The following TBC1D8 variants were observed in gnomAD, a reference collection of about 807,000 sequenced individuals.
TBC1D8 encodes the protein TBC1 domain family member 8.
TBC1D8 carries 65 observed loss-of-function variants against 118.8 expected under a neutral mutation model. The observed-to-expected ratio is 0.55, with a 90% CI of 0.45 to 0.67. The LOEUF (loss-of-function observed/expected upper bound fraction) is 0.67, where lower values mean the gene tolerates loss of function less well. TBC1D8 is among the 30% of genes least tolerant of loss of function. The pLI, the probability that TBC1D8 is intolerant of heterozygous loss-of-function variation, is 0.00. For synonymous variants in TBC1D8, 566 were observed against 595.8 expected (o/e 0.95, Z 0.73); for missense variants, 1,376 against 1,471.2 (o/e 0.94, Z 1.06).
At chr2:101,084,577 A>G (rs1675478326) in intron 2 of TBC1D8, among the ~76,000 whole-genome samples, 1 of 152,044 alleles carries the variant, frequency 6.6e-6, no homozygotes, top group Admixed American at 6.5e-5. Context: ...CATCCCTTCC[A>G]TGCAGCCGTT....
intron 2 of TBC1D8, among the ~76,000 whole-genome samples, chr2:101,073,541 G>A (rs1043032732): frequency 7.9e-5 from 12 of 152,004 alleles, no homozygotes; most frequent in African/African-American, 1.5e-4. Context: ...TGATCCGCCC[G>A]CCTCGGCCTC....
chr2:101,117,095 T>C (rs1394867378), intron 1 of TBC1D8, among the ~76,000 whole-genome samples: 3 of 152,022 alleles, frequency 2.0e-5, no homozygotes, highest in Non-Finnish European at 4.4e-5. Context: ...GATTGAGCCA[T>C]GCAGCTGTGA....
chr2:101,088,543 C>G (rs1276937149), intron 2 of TBC1D8, among the ~76,000 whole-genome samples: 1 of 152,146 alleles, frequency 6.6e-6, no homozygotes, highest in Non-Finnish European at 1.5e-5. Flanking sequence ...GCCTGGGCCT[C>G]TCAAAGTGTT....
Position 101,029,718 on chromosome 2 carries a change from C to T in TBC1D8, c.1995G>A (p.Leu665=), listed in dbSNP as rs759126126. 3.7e-6 allele frequency: 6 copies of T among 1,613,982 alleles called. No homozygotes were observed. The East Asian group carries it at 1.3e-4, about 36-fold the overall frequency. The change falls in exon 12 of 20, where the codon CTG becomes CTA. Residue 665 remains leucine (L), a synonymous_variant. Transcript: ENST00000409318. ...EELIKGHLPE[L]AEHMNDLSAL... ...CTGAGAGGTCGTTCATGTGCTCTGC[C>T]AGCTCTGGGAGATGACCCTTGATGA... is the stretch of plus-strand genomic sequence containing the variant.
chr2:101,011,644 A>T (rs1263833100), intron 17 of TBC1D8, 104 bp from the exon 18 acceptor site: 9 of 1,211,892 alleles, frequency 7.4e-6, no homozygotes, highest in Admixed American at 1.9e-5. Flanking sequence ...AGCAGCTCCC[A>T]GCCTGTGGAC....
intron 1 of TBC1D8, among the ~76,000 whole-genome samples, chr2:101,104,622 G>A (rs906706705): frequency 1.3e-5 from 2 of 152,170 alleles, no homozygotes; most frequent in African/African-American, 4.8e-5. Context: ...CTAGACATCC[G>A]TATGCAAAGA....
At chr2:101,027,043 G>A (rs1680378129) in intron 15 of TBC1D8, among the ~76,000 whole-genome samples, 1 of 152,180 alleles carries the variant, frequency 6.6e-6, no homozygotes, top group Admixed American at 6.5e-5. Context: ...GGTCACCGCA[G>A]GACCCAGAGC....
chr2:101,131,931 G>GT (rs1327611899), intron 1 of TBC1D8, among the ~76,000 whole-genome samples: 4 of 152,164 alleles, frequency 2.6e-5, no homozygotes, highest in African/African-American at 7.2e-5. Context: ...TAAATGAAAG[G>GT]TTTTTTAAAA....
intron 1 of TBC1D8, among the ~76,000 whole-genome samples, chr2:101,120,481 C>T (rs1178945258): frequency 6.6e-6 from 1 of 152,168 alleles, no homozygotes; most frequent in African/African-American, 2.4e-5. Flanking sequence ...GGGTATGAAC[C>T]ACTGTGTCTA....
At chr2:101,123,319 C>A (rs1478413863) in intron 1 of TBC1D8, among the ~76,000 whole-genome samples, 1 of 152,130 alleles carries the variant, frequency 6.6e-6, no homozygotes, top group African/African-American at 2.4e-5. Context: ...AATGTGGATG[C>A]CTTTTATTTC....
chr2:101,044,541 C>T (rs548360104), intron 5 of TBC1D8, among the ~76,000 whole-genome samples: 26 of 152,248 alleles, frequency 1.7e-4, no homozygotes, highest in East Asian at 3.9e-4. Flanking sequence ...ACTTTTCCTC[C>T]GTAGAGAAGA....
intron 1 of TBC1D8, among the ~76,000 whole-genome samples, chr2:101,102,673 T>C (rs1044235606): frequency 2.6e-5 from 4 of 151,908 alleles, no homozygotes; most frequent in African/African-American, 9.7e-5. Context: ...TTAACATTAA[T>C]CAAAAGAAAG....
intron 1 of TBC1D8, among the ~76,000 whole-genome samples, chr2:101,147,268 A>C (rs999915210): frequency 2.6e-5 from 4 of 152,234 alleles, no homozygotes; most frequent in African/African-American, 9.6e-5. Flanking sequence ...ATAGTGATGC[A>C]ATAAATACAG....
At chr2:101,104,540 C>T (rs1203860936) in intron 1 of TBC1D8, among the ~76,000 whole-genome samples, 1 of 152,180 alleles carries the variant, frequency 6.6e-6, no homozygotes, top group Non-Finnish European at 1.5e-5. Flanking sequence ...TTAGTAAATA[C>T]TTATCGTTGA....
intron 3 of TBC1D8, among the ~76,000 whole-genome samples, chr2:101,056,205 TTA>T (rs1298275514): frequency 5.3e-4 from 26 of 48,600 alleles, no homozygotes; most frequent in African/African-American, 3.3e-3. Flanking sequence ...ATTATTATTA[TTA>T]TTTTTTTTTT....
At chr2:101,113,059 T>C (rs1005009924) in intron 1 of TBC1D8, among the ~76,000 whole-genome samples, 1 of 152,168 alleles carries the variant, frequency 6.6e-6, no homozygotes, top group Non-Finnish European at 1.5e-5. Flanking sequence ...TGACATCCCA[T>C]TTTAACAAGT....
chr2:101,112,758 T>C (rs1289420066), intron 1 of TBC1D8, among the ~76,000 whole-genome samples: 1 of 152,180 alleles, frequency 6.6e-6, no homozygotes. Context: ...TTTCCAGACA[T>C]GCCCATTTTA....
At chr2:101,101,870 G>A (rs996570707) in intron 1 of TBC1D8, among the ~76,000 whole-genome samples, 3 of 151,994 alleles carry the variant, frequency 2.0e-5, no homozygotes, top group Non-Finnish European at 2.9e-5. Flanking sequence ...ACAGAGAGGG[G>A]AACAACACAC....
At chr2:101,097,168 A>G (rs1422744225) in intron 1 of TBC1D8, among the ~76,000 whole-genome samples, 2 of 152,168 alleles carry the variant, frequency 1.3e-5, no homozygotes, top group Admixed American at 1.3e-4. Context: ...AGTGGGGTAA[A>G]ATATTTCAAA....
Sources: gnomAD v4.1 joint callset for allele counts (sites outside exome capture counted in the v4.1 genomes callset) on GRCh38, gnomAD v4.1.1 for gene constraint, MANE v1.5 for transcripts, NCBI Gene and HGNC (gene_info 2026-07-23, HGNC 2026-07-21) for gene names.